CUX1: variants seen among roughly 807,000 people sequenced by gnomAD.
The protein encoded by CUX1 is protein CASP.
CUX1 carries 31 observed loss-of-function variants against 158.8 expected under a neutral mutation model. The ratio of observed to expected loss-of-function variants is 0.20; its 90% CI spans 0.15 to 0.26. The LOEUF is 0.26. Ranked by LOEUF, CUX1 falls within the 10% of genes least tolerant of loss-of-function variation. The pLI, the probability that CUX1 is intolerant of heterozygous loss-of-function variation, is 1.00. For synonymous variants in CUX1, 879 were observed against 862.1 expected, an observed-to-expected ratio of 1.02 and a Z score of -0.34; for missense variants, 1,589 against 2,014.6, an observed-to-expected ratio of 0.79 and a Z score of 4.04.
chr7:102,240,624 T>C (rs1467735631), intron 23 of CUX1, among the ~76,000 whole-genome samples: 1 of 152,136 alleles, frequency 6.6e-6, no homozygotes, highest in Non-Finnish European at 1.5e-5. Flanking sequence ...ATCTTCCAAA[T>C]TAGTTTGATT....
At position 102,014,895 on chromosome 7, in the gene CUX1, T is replaced by C. The variant is rs1313092297; in HGVS notation, c.142-13203T>C. On this transcript the variant is annotated intron_variant, in intron 2 of 23. Coordinates refer to ENST00000292535, the MANE Select transcript of CUX1 (RefSeq NM_181552.4). Reference sequence around the variant, plus strand: ...AAAAAGAAAAAAAGCATCTAAAAATTGTGAGGTTACCGCTTAGCTCTGTCT... The same window carrying C: ...AAAAAGAAAAAAAGCATCTAAAAATCGTGAGGTTACCGCTTAGCTCTGTCT... 2.0e-5 allele frequency among the ~76,000 whole-genome samples: 3 copies of C among 151,246 alleles called. No homozygotes were observed. In the South Asian group the frequency reaches 6.2e-4, roughly 31 times the overall value.
At chr7:101,821,849 G>GTTTTTTTTTTTTT (rs763323114) in intron 1 of CUX1, among the ~76,000 whole-genome samples, 5 of 69,786 alleles carry the variant, frequency 7.2e-5, no homozygotes, top group Admixed American at 1.5e-4. Flanking sequence ...TAGTTTTTTT[G>GTTTTTTTTTTTTT]TTTTTTTGTT....
intron 1 of CUX1, among the ~76,000 whole-genome samples, chr7:101,835,204 C>T (rs1004458633): frequency 2.0e-5 from 3 of 152,120 alleles, no homozygotes; most frequent in African/African-American, 7.2e-5. Flanking sequence ...CTATTCTCTG[C>T]ATCTATTCTC....
rs576387375 is a variant in CUX1 at position 102,217,031 on chromosome 7, G to A, written c.3131-10336G>A. Among the ~76,000 whole-genome samples the A allele has an allele frequency of 7.6e-4, 116 of 152,286 alleles. 1 individual carries two copies. Among genetic ancestry groups the A allele is most frequent in the Admixed American group, 2.9e-3 (44 of 15,286 alleles). ...ACATTTTGTCTTAATGCACAGGGAC[G>A]CATTGATAAGTGTTCGTACACACAG... On this transcript the variant is annotated intron_variant, in intron 20 of 23. Transcript: ENST00000292535.
At chr7:102,047,235 A>G (rs1822919898) in intron 3 of CUX1, among the ~76,000 whole-genome samples, 1 of 152,056 alleles carries the variant, frequency 6.6e-6, no homozygotes, top group Admixed American at 6.6e-5. Context: ...CTGTTAAGTG[A>G]TGGTGGATGG....
chr7:101,983,190 G>A (rs1460719080), intron 2 of CUX1, among the ~76,000 whole-genome samples: 2 of 152,134 alleles, frequency 1.3e-5, no homozygotes, highest in African/African-American at 4.8e-5. Flanking sequence ...TGGGGATGTG[G>A]GATGGGCATA....
At chr7:102,112,396 C>T (rs1203158760) in intron 7 of CUX1, among the ~76,000 whole-genome samples, 3 of 116,662 alleles carry the variant, frequency 2.6e-5, no homozygotes, top group Non-Finnish European at 5.4e-5. Flanking sequence ...CGCCCACCAC[C>T]ATGCCTGGCT....
intron 20 of CUX1, among the ~76,000 whole-genome samples, chr7:102,214,881 T>A (rs573264852): frequency 6.6e-6 from 1 of 152,378 alleles, no homozygotes; most frequent in African/African-American, 2.4e-5. Context: ...AATTGGCAGA[T>A]GTTGGGTCTG....
intron 2 of CUX1, among the ~76,000 whole-genome samples, chr7:101,981,187 C>T (rs1301686011): frequency 1.3e-5 from 2 of 152,006 alleles, no homozygotes; most frequent in African/African-American, 4.8e-5. Context: ...TACTGTGTCC[C>T]CGGCCCCCTC....
At chr7:101,875,640 C>T (rs1799043947) in intron 1 of CUX1, among the ~76,000 whole-genome samples, 1 of 152,126 alleles carries the variant, frequency 6.6e-6, no homozygotes. Context: ...CAGGAGGACA[C>T]CTCATCTGAA....
chr7:102,173,369 C>CA (rs1230492280), intron 10 of CUX1, among the ~76,000 whole-genome samples: 2 of 151,838 alleles, frequency 1.3e-5, no homozygotes, highest in Non-Finnish European at 2.9e-5. Context: ...CAAAACAAAA[C>CA]AAAAAAAGAT....
rs1317670334 is a variant in CUX1, at chr7:102,251,268, A to C, written c.*2226A>C. 7 of 984,538 alleles carry C rather than the reference A, an allele frequency of 7.1e-6. No individual in the cohort carries two copies. The African/African-American group carries it at 8.8e-5, about 12-fold the overall frequency. 61.0% of individuals were successfully genotyped at this position (984,538 alleles called of 1,614,324 possible). On this transcript the variant is annotated 3_prime_UTR_variant, in exon 24 of 24. Transcript: ENST00000292535. ...ATTTGGGGGGTGGGAGGGAGTTATA[A>C]TTTTAAAGGTATGCTCTGGCTGTTC...
intron 4 of CUX1, among the ~76,000 whole-genome samples, chr7:102,088,597 G>T (rs1191817463): frequency 1.3e-5 from 2 of 152,082 alleles, no homozygotes; most frequent in African/African-American, 4.8e-5. Context: ...TCGTGCCGCT[G>T]CACTCCAGCC....
intron 2 of CUX1, among the ~76,000 whole-genome samples, chr7:101,994,049 T>A (rs558504394): frequency 1.3e-5 from 2 of 152,242 alleles, no homozygotes; most frequent in East Asian, 3.9e-4. Context: ...CTAACCCCGG[T>A]AGTGGCCACA....
intron 20 of CUX1, among the ~76,000 whole-genome samples, chr7:102,281,268 G>A (rs1290072808): frequency 6.6e-6 from 1 of 152,154 alleles, no homozygotes; most frequent in Non-Finnish European, 1.5e-5. Flanking sequence ...TACTCAGGAG[G>A]CTGACGGAGG....
At chr7:101,978,314 C>T (rs921012813) in intron 2 of CUX1, among the ~76,000 whole-genome samples, 17 of 152,250 alleles carry the variant, frequency 1.1e-4, no homozygotes, top group African/African-American at 3.9e-4. Context: ...CAATCCCAGT[C>T]CCCCTGTCAC....
chr7:102,030,815 C>A (rs1389759457), intron 3 of CUX1, among the ~76,000 whole-genome samples: 1 of 150,802 alleles, frequency 6.6e-6, no homozygotes, highest in African/African-American at 2.4e-5. Context: ...ACTCCCCTGC[C>A]CCCACCGCCA....
Position 102,105,529 on chromosome 7 carries a change from T to TTA in CUX1, c.530+1070_530+1071insTA, listed in dbSNP as rs1156342549. Among the ~76,000 whole-genome samples, 363 of 147,954 alleles carry TTA rather than the reference T, an allele frequency of 2.5e-3. 5 individuals are homozygous for TTA. Among genetic ancestry groups the TTA allele is most frequent in the African/African-American group, 8.5e-3 (340 of 39,902 alleles). The stretch of plus-strand genomic sequence containing the variant: ...CTTTTTTTTTTTTTTTTTTTTTTTT[T>TTA]AAGACAGAGTTTCACTCTCATTGCC... On this transcript the variant is annotated intron_variant, in intron 6 of 23. Transcript: ENST00000292535.
intron 2 of CUX1, among the ~76,000 whole-genome samples, chr7:101,991,810 A>G (rs1483097715): frequency 1.3e-5 from 2 of 151,802 alleles, no homozygotes; most frequent in Non-Finnish European, 2.9e-5. Flanking sequence ...GCACACACCT[A>G]TAGTCCCAGC....
Sources: gnomAD v4.1 joint callset for allele counts (sites outside exome capture counted in the v4.1 genomes callset) on GRCh38, gnomAD v4.1.1 for gene constraint, MANE v1.5 for transcripts, NCBI Gene and HGNC (gene_info 2026-07-23, HGNC 2026-07-21) for gene names.